Variants in THSD7A observed in about 807,000 individuals in gnomAD.
The protein encoded by THSD7A is thrombospondin type 1 domain containing 7A.
Under a neutral mutation model 231.3 loss-of-function variants are expected in THSD7A, and 96 were observed. That is an observed-to-expected ratio of 0.41 (90% confidence interval 0.35 to 0.49). The LOEUF (loss-of-function observed/expected upper bound fraction) is 0.49. Among genes scored for constraint, THSD7A ranks in the 20% least tolerant of loss-of-function variants. The probability of loss-of-function intolerance (pLI) is 0.05; values close to 1 mark genes in which losing one functional copy is unlikely to be tolerated. For synonymous variants in THSD7A, 940 were observed against 743.3 expected (o/e 1.26, Z -4.30); for missense variants, 2,290 against 2,070.2 (o/e 1.11, Z -2.06).
At chr7:11,541,376 G>A (rs2072139) in intron 6 of THSD7A, 43 bp downstream of exon 6, 243,706 of 1,568,004 alleles carry the variant, frequency 0.16, 19,314 homozygotes, top group Admixed American at 0.19. Context: ...CATATATGCA[G>A]GGTTGGACAT....
chr7:11,443,761 T>A (rs1481199298), intron 13 of THSD7A, among the ~76,000 whole-genome samples: 2 of 152,140 alleles, frequency 1.3e-5, no homozygotes, highest in East Asian at 3.9e-4. Context: ...ATTTATGGGG[T>A]ACCTGTGATA....
intron 4 of THSD7A, among the ~76,000 whole-genome samples, chr7:11,558,495 TTC>T (rs1417463163): frequency 6.6e-6 from 1 of 152,244 alleles, no homozygotes; most frequent in Non-Finnish European, 1.5e-5. Flanking sequence ...TCACAGAACT[TTC>T]TGTTTTAATG....
chr7:11,728,090 T>A (rs1394387617), intron 1 of THSD7A, among the ~76,000 whole-genome samples: 1 of 151,982 alleles, frequency 6.6e-6, no homozygotes, highest in African/African-American at 2.4e-5. Flanking sequence ...AAATGCAAGC[T>A]CTCAAGTTTT....
At chr7:11,704,203 C>A (rs1481610524) in intron 1 of THSD7A, among the ~76,000 whole-genome samples, 2 of 151,058 alleles carry the variant, frequency 1.3e-5, no homozygotes, top group East Asian at 3.9e-4. Flanking sequence ...AAACTACAAG[C>A]AATGAATCAC....
chr7:11,658,538 G>T (rs4509202), intron 1 of THSD7A, among the ~76,000 whole-genome samples: 24,952 of 151,390 alleles, frequency 0.16, 2,142 homozygotes, highest in Non-Finnish European at 0.21. Flanking sequence ...ATTTTCATAG[G>T]TTCTATCCTC....
intron 4 of THSD7A, among the ~76,000 whole-genome samples, chr7:11,548,513 G>T (rs576568244): frequency 6.6e-6 from 1 of 151,944 alleles, no homozygotes; most frequent in African/African-American, 2.4e-5. Flanking sequence ...ATTCTATGAG[G>T]CTAGCATCAT....
At chr7:11,566,291 TG>T (rs1459416954) in intron 4 of THSD7A, among the ~76,000 whole-genome samples, 3 of 152,222 alleles carry the variant, frequency 2.0e-5, no homozygotes, top group Admixed American at 1.3e-4. Context: ...TCTCCATTAC[TG>T]GGGTTTGGGG....
At chr7:11,674,835 GAC>G (rs1783571606) in intron 1 of THSD7A, among the ~76,000 whole-genome samples, 1 of 152,078 alleles carries the variant, frequency 6.6e-6, no homozygotes, top group Non-Finnish European at 1.5e-5. Context: ...TGAAATAACA[GAC>G]ACAGAATTGA....
At chr7:11,402,727 T>C (rs754153268) in intron 22 of THSD7A, among the ~76,000 whole-genome samples, 15 of 152,194 alleles carry the variant, frequency 9.9e-5, no homozygotes, top group Non-Finnish European at 1.9e-4. Flanking sequence ...TCATACCATA[T>C]GTACTTTTTG....
chr7:11,668,903 C>A (rs758292040), intron 1 of THSD7A, among the ~76,000 whole-genome samples: 1 of 151,892 alleles, frequency 6.6e-6, no homozygotes, highest in Non-Finnish European at 1.5e-5. Flanking sequence ...CCACACTCTA[C>A]TGAATTCTGT....
At chr7:11,671,726 G>A (rs1227536626) in intron 1 of THSD7A, among the ~76,000 whole-genome samples, 1 of 152,084 alleles carries the variant, frequency 6.6e-6, no homozygotes, top group Non-Finnish European at 1.5e-5. Context: ...TGGTTATCAT[G>A]AAATCTTTCT....
intron 1 of THSD7A, among the ~76,000 whole-genome samples, chr7:11,762,123 T>C (rs1220833300): frequency 6.6e-6 from 1 of 152,190 alleles, no homozygotes; most frequent in Non-Finnish European, 1.5e-5. Context: ...GGTGTATACC[T>C]ACCACATTTT....
At chr7:11,770,949 TAATA>T (rs973481308) in intron 1 of THSD7A, among the ~76,000 whole-genome samples, 12 of 151,776 alleles carry the variant, frequency 7.9e-5, no homozygotes, top group African/African-American at 2.6e-4. Flanking sequence ...TAAATTTGCC[TAATA>T]AATATATAAA....
intron 6 of THSD7A, among the ~76,000 whole-genome samples, chr7:11,523,898 C>A (rs1256496465): frequency 6.6e-6 from 1 of 151,968 alleles, no homozygotes; most frequent in African/African-American, 2.4e-5. Flanking sequence ...AAATAAGAAT[C>A]CACATTTGGG....
At chr7:11,424,559 G>C (rs1784255796) in intron 16 of THSD7A, 137 bp downstream of exon 16, 1 of 1,193,590 alleles carries the variant, frequency 8.4e-7, no homozygotes, top group Non-Finnish European at 1.2e-6. Flanking sequence ...TTTTCTATGA[G>C]CACAGATTCC....
intron 1 of THSD7A, among the ~76,000 whole-genome samples, chr7:11,793,495 G>T (rs1198935626): frequency 6.6e-6 from 1 of 151,650 alleles, no homozygotes; most frequent in Non-Finnish European, 1.5e-5. Context: ...GGAAGAAAAT[G>T]CACTATAATG....
At chr7:11,584,732 A>C (rs62434525) in intron 4 of THSD7A, among the ~76,000 whole-genome samples, 10,701 of 152,136 alleles carry the variant, frequency 0.07, 546 homozygotes, top group African/African-American at 0.14. Flanking sequence ...AAAGAAATAA[A>C]AACTGTTCCC....
intron 6 of THSD7A, among the ~76,000 whole-genome samples, chr7:11,497,910 C>A (rs941991041): frequency 6.6e-6 from 1 of 152,080 alleles, no homozygotes; most frequent in Non-Finnish European, 1.5e-5. Context: ...TAAGCGATCC[C>A]GGGAAACCAT....
At chr7:11,713,237 C>T (rs528999366) in intron 1 of THSD7A, among the ~76,000 whole-genome samples, 102 of 151,172 alleles carry the variant, frequency 6.7e-4, no homozygotes, top group African/African-American at 2.3e-3. Flanking sequence ...CCTCCCATTC[C>T]TCAAAAAAGA....
Sources: allele counts gnomAD v4.1 joint callset (sites outside exome capture counted in the v4.1 genomes callset), GRCh38; gene constraint gnomAD v4.1.1; transcripts MANE v1.5; gene names NCBI Gene and HGNC (gene_info 2026-07-23, HGNC 2026-07-21).